AAR2: variants seen among roughly 807,000 people sequenced by gnomAD.
AAR2 encodes the protein AAR2 splicing factor, also known as protein AAR2 homolog.
In AAR2, 31 loss-of-function variants were observed where a neutral mutation model predicts 26.9. That is an observed-to-expected ratio of 1.15 (90% CI 0.86 to 1.55). The LOEUF (loss-of-function observed/expected upper bound fraction) is 1.55. Ranked by LOEUF, AAR2 falls within the 40% of genes most tolerant of loss-of-function variation. The probability of loss-of-function intolerance (pLI) is 0.00; values close to 1 mark genes in which losing one functional copy is unlikely to be tolerated. For missense variants in AAR2, 430 were observed against 491.3 expected, an observed-to-expected ratio of 0.88 and a Z score of 1.18; for synonymous variants, 188 against 196.1, an observed-to-expected ratio of 0.96 and a Z score of 0.34.
Position 36,256,380 on chromosome 20 carries a change from C to T in AAR2, c.*635C>T, listed in dbSNP as rs1227849831. Reference sequence around the variant, plus strand: ...AAATCCCATTCTCCTGTCCAGAGGCCCAGTGGGTCATCTCCCAAGGTGGGT... The same window carrying T: ...AAATCCCATTCTCCTGTCCAGAGGCTCAGTGGGTCATCTCCCAAGGTGGGT... On this transcript the variant is annotated 3_prime_UTR_variant, in exon 4 of 4. Coordinates refer to ENST00000320849, the MANE Select transcript of AAR2 (RefSeq NM_001271874.2). The T allele has an allele frequency of 6.6e-6, 1 of 152,232 alleles. No individual in the cohort carries two copies. The highest frequency in any genetic ancestry group is 1.5e-5 in the Non-Finnish European group (1 of 68,122). 9.4% of individuals were successfully genotyped at this position (152,232 alleles called of 1,614,324 possible).
intron 1 of AAR2, among the ~76,000 whole-genome samples, chr20:36,237,221 T>G (rs1301045700): frequency 6.6e-6 from 1 of 152,174 alleles, no homozygotes; most frequent in East Asian, 1.9e-4. Flanking sequence ...CCGTGCAGGC[T>G]TTGTAGGTAA....
chr20:36,241,809 A>G (rs754196840), intron 2 of AAR2, among the ~76,000 whole-genome samples: 7 of 152,072 alleles, frequency 4.6e-5, no homozygotes, highest in Non-Finnish European at 7.4e-5. Context: ...TCTAGTGAAC[A>G]TTCTCGTGTG....
At chr20:36,242,524 G>A (rs2064693865) in intron 2 of AAR2, among the ~76,000 whole-genome samples, 1 of 151,862 alleles carries the variant, frequency 6.6e-6, no homozygotes, top group African/African-American at 2.4e-5. Context: ...CTGAGTAGCT[G>A]GGACTACAGG....
At chr20:36,248,598 T>A (rs1030951070) in intron 3 of AAR2, among the ~76,000 whole-genome samples, 1 of 152,128 alleles carries the variant, frequency 6.6e-6, no homozygotes, top group African/African-American at 2.4e-5. Flanking sequence ...TCACATCTGG[T>A]TATCATCAAT....
chr20:36,244,592 C>T (rs965067879), intron 2 of AAR2, 105 bp from the exon 3 acceptor site: 2 of 1,083,634 alleles, frequency 1.8e-6, no homozygotes, highest in Non-Finnish European at 2.8e-6. Flanking sequence ...AAAAGCTCAT[C>T]TGTTGCTGAG....
intron 1 of AAR2, among the ~76,000 whole-genome samples, 189 bp from the exon 2 acceptor site, chr20:36,239,632 C>G (rs1238654611): frequency 6.6e-6 from 1 of 152,086 alleles, no homozygotes; most frequent in East Asian, 1.9e-4. Flanking sequence ...CATGTTAAGC[C>G]AAAACACAAA....
At chr20:36,242,828 G>C (rs1441291562) in intron 2 of AAR2, among the ~76,000 whole-genome samples, 1 of 150,642 alleles carries the variant, frequency 6.6e-6, no homozygotes, top group Non-Finnish European at 1.5e-5. Flanking sequence ...CTTGCGAAAA[G>C]GTCTGTTACA....
At chr20:36,243,797 A>G (rs549778896) in intron 2 of AAR2, among the ~76,000 whole-genome samples, 2 of 152,188 alleles carry the variant, frequency 1.3e-5, no homozygotes, top group Non-Finnish European at 2.9e-5. Flanking sequence ...AAATAAGGAA[A>G]TTGAGGCCTT....
At chr20:36,240,668 A>T in intron 2 of AAR2, 43 bp downstream of exon 2, 1 of 1,582,210 alleles carries the variant, frequency 6.3e-7, no homozygotes, top group Non-Finnish European at 8.6e-7. Context: ...CAAGGGGAGG[A>T]TATTAGCAGA....
rs2064666551 is a variant in AAR2 at position 36,240,373 on chromosome 20, C to T, written c.505C>T (p.His169Tyr). 1 of 1,614,134 alleles carries T rather than the reference C, an allele frequency of 6.2e-7. No homozygotes were observed. Among genetic ancestry groups the T allele is most frequent in the African/African-American group, 1.3e-5 (1 of 74,938 alleles). ...SDVLPVLSMK[H>Y]TKDRVGQNLP... ...TGTGCTACCTGTGCTCTCCATGAAGCACACCAAGGACCGCGTGGGGCAGAA... is the reference window on the plus strand; with the variant it reads ...TGTGCTACCTGTGCTCTCCATGAAGTACACCAAGGACCGCGTGGGGCAGAA... Residue 169 changes from histidine to tyrosine, a missense_variant, in exon 2 of 4, where the codon CAC becomes TAC. His to Tyr is a moderately conservative substitution (Grantham distance 83). Transcript: ENST00000320849.
At chr20:36,246,616 C>T (rs949763620) in intron 3 of AAR2, among the ~76,000 whole-genome samples, 2 of 152,190 alleles carry the variant, frequency 1.3e-5, no homozygotes, top group Non-Finnish European at 2.9e-5. Context: ...GTTGATGCGT[C>T]GCACAGACAC....
intron 3 of AAR2, among the ~76,000 whole-genome samples, chr20:36,252,952 G>A (rs1300108513): frequency 6.0e-5 from 9 of 149,168 alleles, no homozygotes; most frequent in Non-Finnish European, 1.2e-4. Context: ...CATGGCCCTC[G>A]CCACCAAGAT....
intron 2 of AAR2, among the ~76,000 whole-genome samples, chr20:36,242,191 A>G (rs2064688626): frequency 7.7e-6 from 1 of 129,190 alleles, no homozygotes. Flanking sequence ...TGTGTCGCCC[A>G]GGGTGGAGTA....
chr20:36,255,646 A>C lies in AAR2; in HGVS notation c.1056A>C (p.Gln352His). ...TGAGAAAGAAAGCTGAAAAGTTCCA[A>C]GCTCACCTGACCAAGAAGTTCCGGT... ...ATLRKKAEKFQAHLTKKFRWD... is the reference protein window; with the variant it reads ...ATLRKKAEKFHAHLTKKFRWD... Residue 352 changes from glutamine (Q) to histidine (H), a missense_variant, in exon 4 of 4, where the codon CAA becomes CAC. Transcript: ENST00000320849. 6.2e-7 allele frequency: 1 copy of C among 1,614,182 alleles called. No homozygotes were observed. Among genetic ancestry groups the C allele is most frequent in the Non-Finnish European group, 8.5e-7 (1 of 1,180,022 alleles).
At chr20:36,239,198 T>C (rs1018471517) in intron 1 of AAR2, among the ~76,000 whole-genome samples, 1 of 152,050 alleles carries the variant, frequency 6.6e-6, no homozygotes, top group African/African-American at 2.4e-5. Flanking sequence ...CTCCCTGGAG[T>C]TTAGGTTTTT....
intron 1 of AAR2, among the ~76,000 whole-genome samples, chr20:36,238,048 T>C (rs1326788050): frequency 6.6e-6 from 1 of 151,956 alleles, no homozygotes; most frequent in Non-Finnish European, 1.5e-5. Flanking sequence ...CCTCCCAAAG[T>C]GCTGTGATTA....
At chr20:36,248,641 G>A (rs2064757527) in intron 3 of AAR2, among the ~76,000 whole-genome samples, 2 of 152,210 alleles carry the variant, frequency 1.3e-5, no homozygotes, top group South Asian at 4.1e-4. Context: ...ATGTCATTTG[G>A]TGTTATTGGG....
chr20:36,239,349 T>C (rs1446310426), intron 1 of AAR2, among the ~76,000 whole-genome samples: 1 of 152,262 alleles, frequency 6.6e-6, no homozygotes, highest in Non-Finnish European at 1.5e-5. Flanking sequence ...GATATGTACT[T>C]GATTTAATCT....
Position 36,240,405 on chromosome 20 carries a change from C to T in AAR2, c.537C>T (p.Pro179=), listed in dbSNP as rs1463125151. Residue 179 remains proline (P), a synonymous_variant, in exon 2 of 4, where the codon CCC becomes CCT. Coordinates refer to ENST00000320849, the MANE Select transcript of AAR2 (RefSeq NM_001271874.2). ...HTKDRVGQNL[P]RCGIECKSYQ... ...AGGACCGCGTGGGGCAGAATCTACCCCGCTGTGGCATTGAGTGCAAAAGCT... is the reference window on the plus strand; with the variant it reads ...AGGACCGCGTGGGGCAGAATCTACCTCGCTGTGGCATTGAGTGCAAAAGCT... 1 of 1,614,236 alleles carries T rather than the reference C, an allele frequency of 6.2e-7. No individual in the cohort carries two copies.
Sources: gnomAD v4.1 joint callset for allele counts (sites outside exome capture counted in the v4.1 genomes callset) on GRCh38, gnomAD v4.1.1 for gene constraint, MANE v1.5 for transcripts, NCBI Gene and HGNC (gene_info 2026-07-23, HGNC 2026-07-21) for gene names.